The following C16orf96 variants were observed in gnomAD, a reference collection of about 807,000 sequenced individuals.
C16orf96 encodes uncharacterized protein C16orf96.
C16orf96 carries 108 observed loss-of-function variants against 103.6 expected under a neutral mutation model. The observed-to-expected ratio is 1.04, with a 90% CI of 0.89 to 1.22. The LOEUF is 1.22. Among genes scored for constraint, C16orf96 ranks in the 50% most tolerant of loss-of-function variants. The probability of loss-of-function intolerance (pLI) is 0.00; values close to 1 mark genes in which losing one functional copy is unlikely to be tolerated. For synonymous variants in C16orf96, 566 were observed against 593.5 expected, an observed-to-expected ratio of 0.95 and a Z score of 0.67; for missense variants, 1,586 against 1,464.2, an observed-to-expected ratio of 1.08 and a Z score of -1.36.
At chr16:4,578,535 G>A (rs902304576) in intron 5 of C16orf96, among the ~76,000 whole-genome samples, 15 of 152,040 alleles carry the variant, frequency 9.9e-5, no homozygotes, top group South Asian at 6.2e-4. Flanking sequence ...TGAGGAAGGC[G>A]GATCACGAGG....
At chr16:4,589,126 C>T (rs1407527246) in intron 9 of C16orf96, among the ~76,000 whole-genome samples, 3 of 152,182 alleles carry the variant, frequency 2.0e-5, no homozygotes, top group Non-Finnish European at 4.4e-5. Flanking sequence ...CCTGCACTTA[C>T]GCAGCCAGGA....
intron 14 of C16orf96, among the ~76,000 whole-genome samples, chr16:4,597,639 C>T (rs1361426248): frequency 6.6e-6 from 1 of 151,944 alleles, no homozygotes; most frequent in East Asian, 1.9e-4. Flanking sequence ...TCACTGCCAT[C>T]TCAACCTCCT....
chr16:4,558,564 G>A (rs2059292624), intron 1 of C16orf96, among the ~76,000 whole-genome samples: 1 of 151,950 alleles, frequency 6.6e-6, no homozygotes. Flanking sequence ...GTGAGTTGTA[G>A]TCACTCTCCT....
chr16:4,562,849 G>C, intron 1 of C16orf96: 1 of 1,370,864 alleles, frequency 7.3e-7, no homozygotes, highest in Non-Finnish European at 1.0e-6. Context: ...TCAGAAATCT[G>C]TTCTGTCAGC....
intron 1 of C16orf96, among the ~76,000 whole-genome samples, chr16:4,557,450 G>A (rs1399893017): frequency 6.6e-6 from 1 of 152,200 alleles, no homozygotes; most frequent in Non-Finnish European, 1.5e-5. Flanking sequence ...TATACGAAAT[G>A]TCCAGAATAG....
chr16:4,573,891 T>C (rs1026138722), intron 2 of C16orf96, among the ~76,000 whole-genome samples: 1 of 152,056 alleles, frequency 6.6e-6, no homozygotes, highest in African/African-American at 2.4e-5. Flanking sequence ...TGGAGTGCAG[T>C]GGCACGATCT....
At position 4,567,386 on chromosome 16, in the gene C16orf96, C is replaced by T. The variant is rs1255968699; in HGVS notation, c.421-4175C>T. On this transcript the variant is annotated intron_variant, in intron 1 of 15. Coordinates refer to ENST00000444310, the MANE Select transcript of C16orf96 (RefSeq NM_001145011.2). ...GCAAGCTCAGACTCCTGGGTTCACG[C>T]CATTCTCCTGCCTCAGCCTCCCAAG... 2.7e-5 allele frequency among the ~76,000 whole-genome samples: 4 copies of T among 150,678 alleles called. No homozygotes were observed. The East Asian group carries it at 7.8e-4, about 29-fold the overall frequency.
chr16:4,592,157 G>T, intron 10 of C16orf96, 148 bp from the exon 11 acceptor site: 1 of 900,906 alleles, frequency 1.1e-6, no homozygotes. Flanking sequence ...GAAACCACAA[G>T]AGTGGTTGGA....
the C16orf96 span, among the ~76,000 whole-genome samples, chr16:4,539,123 C>T: frequency 2.0e-5 from 3 of 152,188 alleles, no homozygotes; most frequent in Non-Finnish European, 2.9e-5. Flanking sequence ...GTCACTGTCC[C>T]TGCGCTTGAA....
intron 1 of C16orf96, among the ~76,000 whole-genome samples, chr16:4,566,710 A>G (rs1463190960): frequency 1.3e-5 from 2 of 151,512 alleles, no homozygotes; most frequent in Non-Finnish European, 2.9e-5. Flanking sequence ...TTTTAGGTTT[A>G]CTCGGATTGT....
Position 4,576,523 on chromosome 16 carries a change from G to T in C16orf96, c.2043G>T (p.Arg681Ser). 1.3e-6 allele frequency: 2 copies of T among 1,551,570 alleles called. No homozygotes were observed. Among genetic ancestry groups the T allele is most frequent in the Non-Finnish European group, 8.7e-7 (1 of 1,147,014 alleles). ...CCATGAGCCCTGAAGACAAGAAGAG[G>T]GCTGTCAAGTATTCCATGAGCCACA... ...KQAMSPEDKK[R>S]AVKYSMSHIA... Residue 681 changes from arginine to serine, a missense_variant, in exon 5 of 16, where the codon AGG becomes AGT. Physicochemically the swap from Arg to Ser is moderately radical, Grantham distance 110 (BLOSUM62 -1). Transcript: ENST00000444310.
intron 1 of C16orf96, among the ~76,000 whole-genome samples, chr16:4,563,507 A>G (rs893316817): frequency 2.6e-5 from 4 of 152,192 alleles, no homozygotes; most frequent in African/African-American, 9.6e-5. Context: ...CTCCCACTTC[A>G]GCCCAAAGTG....
chr16:4,584,913 CA>C (rs1331119342), intron 7 of C16orf96, among the ~76,000 whole-genome samples: 1 of 151,982 alleles, frequency 6.6e-6, no homozygotes, highest in Non-Finnish European at 1.5e-5. Flanking sequence ...CCAAGTGATC[CA>C]CCCACCTCAG....
intron 3 of C16orf96, 23 bp downstream of exon 3, chr16:4,574,812 T>G (rs942708584): frequency 6.5e-7 from 1 of 1,549,704 alleles, no homozygotes; most frequent in Middle Eastern, 1.7e-4. Context: ...ATCCCTGTCT[T>G]CCCCCACTCC....
rs1194348174 is a variant in C16orf96 at position 4,594,901 on chromosome 16, C to A, written c.3127+98C>A. On this transcript the variant is annotated intron_variant, in intron 14 of 15. Transcript: ENST00000444310. ...AGGTGGGGCCCAGAGCCAGCACTAT[C>A]CCTGACCGGGGAGTCCTCACACAGT... The A allele has an allele frequency of 4.6e-6, 6 of 1,297,228 alleles. No homozygotes were observed. The East Asian group carries it at 7.6e-5, about 16-fold the overall frequency. The allele number at this position is 1,297,228 out of a possible 1,614,324, so 80.4% of individuals were successfully genotyped here.
chr16:4,567,924 CTGACT>C (rs1256228248), intron 1 of C16orf96, among the ~76,000 whole-genome samples: 2 of 151,798 alleles, frequency 1.3e-5, no homozygotes, highest in Non-Finnish European at 2.9e-5. Flanking sequence ...TCTCGATCTC[CTGACT>C]TCATGATCTG....
chr16:4,572,328 C>G (rs1296221416), intron 2 of C16orf96, among the ~76,000 whole-genome samples: 2 of 83,460 alleles, frequency 2.4e-5, no homozygotes, highest in African/African-American at 8.4e-5. Flanking sequence ...GAGATGGAGT[C>G]TCGCTCTGTT....
chr16:4,542,001 C>G, the C16orf96 span, among the ~76,000 whole-genome samples: 7 of 152,154 alleles, frequency 4.6e-5, no homozygotes, highest in African/African-American at 1.7e-4. Flanking sequence ...TTCACAGGAT[C>G]ATCTGACTAC....
chr16:4,594,752 G>T lies in C16orf96; in HGVS notation c.3076G>T (p.Val1026Leu). ...GGATGGGATCCTGTACAAAGGCCGC[G>T]TGAACAGCCAGCGTGGGGCTCAGCC... ...GVDGILYKGR[V>L]NSQRGAQPLA... Residue 1026 changes from valine to leucine, a missense_variant, in exon 14 of 16, where the codon GTG becomes TTG. Physicochemically the swap from Val to Leu is conservative, Grantham distance 32. Coordinates refer to ENST00000444310, the MANE Select transcript of C16orf96 (RefSeq NM_001145011.2). 3 of 1,551,174 alleles carry T rather than the reference G, an allele frequency of 1.9e-6. No individual in the cohort carries two copies. The highest frequency in any genetic ancestry group is 2.6e-6 in the Non-Finnish European group (3 of 1,146,926).
Sources: gnomAD v4.1 joint callset for allele counts (sites outside exome capture counted in the v4.1 genomes callset) on GRCh38, gnomAD v4.1.1 for gene constraint, MANE v1.5 for transcripts, NCBI Gene and HGNC (gene_info 2026-07-23, HGNC 2026-07-21) for gene names.